Variants in ROBO2 observed in about 807,000 individuals in gnomAD.
ROBO2 encodes roundabout guidance receptor 2, also known as roundabout homolog 2.
Under a neutral mutation model 160.8 loss-of-function variants are expected in ROBO2, and 53 were observed. That is an observed-to-expected ratio of 0.33 (90% confidence interval 0.26 to 0.41). ROBO2 has a LOEUF of 0.41. ROBO2 is among the 10% of genes least tolerant of loss of function. ROBO2 has a pLI of 1.00. For synonymous variants in ROBO2, 664 were observed against 611.7 expected, an observed-to-expected ratio of 1.09 and a Z score of -1.26; for missense variants, 1,577 against 1,722.4, an observed-to-expected ratio of 0.92 and a Z score of 1.49.
chr3:76,908,665 G>A (rs1274625803), intron 2 of ROBO2, among the ~76,000 whole-genome samples: 2 of 152,122 alleles, frequency 1.3e-5, no homozygotes, highest in African/African-American at 4.8e-5. Context: ...AGAGGTGAAA[G>A]GTTACTTTTG....
intron 2 of ROBO2, among the ~76,000 whole-genome samples, chr3:76,896,338 C>A (rs2074773005): frequency 1.3e-5 from 2 of 152,084 alleles, no homozygotes; most frequent in Non-Finnish European, 2.9e-5. Context: ...GTAAAAGTAG[C>A]CTCAATCTTT....
intron 2 of ROBO2, among the ~76,000 whole-genome samples, chr3:77,425,986 C>T (rs1411466095): frequency 6.6e-6 from 1 of 151,928 alleles, no homozygotes; most frequent in African/African-American, 2.4e-5. Flanking sequence ...CGTGGTGTGA[C>T]TAGAAACCAT....
chr3:77,060,794 G>T (rs2066220441), intron 1 of ROBO2, among the ~76,000 whole-genome samples: 1 of 152,102 alleles, frequency 6.6e-6, no homozygotes, highest in Non-Finnish European at 1.5e-5. Context: ...TTCCCTCTCT[G>T]TCTTTTTCTA....
chr3:76,057,684 CG>C (rs1344215244), intron 2 of ROBO2, among the ~76,000 whole-genome samples: 2 of 152,026 alleles, frequency 1.3e-5, no homozygotes, highest in African/African-American at 2.4e-5. Context: ...AGATCACTGC[CG>C]CCGACCAACA....
intron 8 of ROBO2, among the ~76,000 whole-genome samples, chr3:77,557,015 A>G (rs1414074081): frequency 6.6e-6 from 1 of 151,832 alleles, no homozygotes; most frequent in Non-Finnish European, 1.5e-5. Flanking sequence ...GGTCAACTCT[A>G]TATTTTTCTT....
intron 2 of ROBO2, among the ~76,000 whole-genome samples, chr3:76,108,956 GATA>G (rs149459481): frequency 0.039 from 5,976 of 151,488 alleles, 414 homozygotes; most frequent in African/African-American, 0.14. Flanking sequence ...AAGGTTATAT[GATA>G]ATAATTTTTA....
intron 2 of ROBO2, among the ~76,000 whole-genome samples, chr3:76,777,304 A>C (rs1303768979): frequency 6.6e-6 from 1 of 151,108 alleles, no homozygotes; most frequent in African/African-American, 2.4e-5. Context: ...GTTATTATCC[A>C]CTGTGAAAAG....
At chr3:76,351,613 A>G (rs2074880299) in intron 2 of ROBO2, among the ~76,000 whole-genome samples, 2 of 151,994 alleles carry the variant, frequency 1.3e-5, no homozygotes, top group Admixed American at 6.6e-5. Flanking sequence ...GAGTGTTTCA[A>G]CTGAGAACAT....
intron 2 of ROBO2, among the ~76,000 whole-genome samples, chr3:77,429,050 C>T (rs181064220): frequency 1.3e-5 from 2 of 152,246 alleles, no homozygotes; most frequent in East Asian, 1.9e-4. Flanking sequence ...ACTGTATATA[C>T]ACTAGTTTTA....
At chr3:76,110,904 T>G (rs1179149415) in intron 2 of ROBO2, among the ~76,000 whole-genome samples, 3 of 152,132 alleles carry the variant, frequency 2.0e-5, no homozygotes, top group Non-Finnish European at 4.4e-5. Context: ...AAAACTTTAT[T>G]TTTTTCTCTT....
chr3:76,825,079 A>G (rs547463743), intron 2 of ROBO2, among the ~76,000 whole-genome samples: 146 of 152,324 alleles, frequency 9.6e-4, no homozygotes, highest in African/African-American at 3.4e-3. Context: ...AATGGCAGTC[A>G]TGCCCTAGGA....
At chr3:77,317,284 T>TC in intron 2 of ROBO2, 1 of 760,374 alleles carries the variant, frequency 1.3e-6, no homozygotes, top group South Asian at 1.5e-5. Context: ...ATTTTTTTTT[T>TC]CCCAGTGTTA....
chr3:77,630,631 A>G (rs1398265462), intron 23 of ROBO2: 2 of 152,100 alleles, frequency 1.3e-5, no homozygotes, highest in African/African-American at 4.8e-5. Context: ...AAGTTTAGAT[A>G]TGGCATTGGC....
At chr3:75,911,783 C>T (rs1458944894) in intron 1 of ROBO2, among the ~76,000 whole-genome samples, 3 of 151,826 alleles carry the variant, frequency 2.0e-5, no homozygotes, top group Non-Finnish European at 4.4e-5. Context: ...GTCTCGATCT[C>T]CTGACCTCGT....
chr3:77,050,835 C>A, intron 1 of ROBO2, among the ~76,000 whole-genome samples: 1 of 149,500 alleles, frequency 6.7e-6, no homozygotes, highest in African/African-American at 2.5e-5. Context: ...ATGGTGAAAC[C>A]CTATCTTTGC....
intron 2 of ROBO2, among the ~76,000 whole-genome samples, chr3:76,493,365 A>ATATATATATATATATATATATATATAT (rs61651925): frequency 7.6e-6 from 1 of 132,012 alleles, no homozygotes; most frequent in African/African-American, 2.9e-5. Context: ...ATATATATAT[A>ATATATATATATATATATATATATATAT]ATTGTATATA....
Position 77,144,984 on chromosome 3 carries a change from T to C in ROBO2, c.388+46644T>C, listed in dbSNP as rs535776619. Among the ~76,000 whole-genome samples the C allele has an allele frequency of 1.4e-4, 22 of 152,286 alleles. 1 individual carries two copies. The South Asian group carries it at 4.6e-3, about 32-fold the overall frequency. On this transcript the variant is annotated intron_variant, in intron 2 of 25. Transcript: ENST00000461745. ...CTAAAGGTAAAAACATATATTATGATAGGAAGTAGTCAGTTGCCCTGGCAC... is the reference window on the plus strand; with the variant it reads ...CTAAAGGTAAAAACATATATTATGACAGGAAGTAGTCAGTTGCCCTGGCAC...
intron 2 of ROBO2, among the ~76,000 whole-genome samples, chr3:76,846,573 T>C (rs898519695): frequency 9.2e-5 from 14 of 152,164 alleles, no homozygotes; most frequent in East Asian, 3.8e-4. Context: ...ATGGGTACAT[T>C]GTTATTCTAA....
At chr3:76,580,354 G>GTTTTTTTTTTTTTTTTTTTTTTTTTTT (rs1457222056) in intron 2 of ROBO2, among the ~76,000 whole-genome samples, 1 of 46,364 alleles carries the variant, frequency 2.2e-5, no homozygotes, top group African/African-American at 7.6e-5. Context: ...TTTTTTTTTT[G>GTTTTTTTTTTTTTTTTTTTTTTTTTTT]TTTTTTTTTT....
Sources: gnomAD v4.1 joint callset for allele counts (sites outside exome capture counted in the v4.1 genomes callset) on GRCh38, gnomAD v4.1.1 for gene constraint, MANE v1.5 for transcripts, NCBI Gene and HGNC (gene_info 2026-07-23, HGNC 2026-07-21) for gene names.